Variants in RNF149 observed in about 807,000 individuals in gnomAD.
The protein encoded by RNF149 is E3 ubiquitin-protein ligase RNF149.
Under a neutral mutation model 39.0 loss-of-function variants are expected in RNF149, and 21 were observed. That is an observed-to-expected ratio of 0.54 (90% CI 0.38 to 0.77). The LOEUF is 0.77. Ranked by LOEUF, RNF149 falls within the 30% of genes least tolerant of loss-of-function variation. RNF149 has a pLI of 0.00. For synonymous variants in RNF149, 209 were observed against 213.6 expected, an observed-to-expected ratio of 0.98 and a Z score of 0.19; for missense variants, 493 against 534.9, an observed-to-expected ratio of 0.92 and a Z score of 0.77.
chr2:101,288,997 TC>T lies in RNF149; in HGVS notation c.838del (p.Asp280IlefsTer38), dbSNP rs1480598067. ...CTTGCATGGCAGAATTCTAATAATA[TC>T]CTTTACTTTGAAATTTTCAATACAC... ...AVCIENFKVK[D>X]IIRILPCKHI... On this transcript the variant is annotated frameshift_variant, in exon 4 of 7. Coordinates refer to ENST00000295317, the MANE Select transcript of RNF149 (RefSeq NM_173647.4). LOFTEE classifies it high-confidence loss of function. 6.3e-7 allele frequency: 1 copy of T among 1,575,210 alleles called. No homozygotes were observed. Among genetic ancestry groups the T allele is most frequent in the Non-Finnish European group, 8.7e-7 (1 of 1,146,542 alleles).
At chr2:101,292,961 T>C (rs959619632) in intron 3 of RNF149, among the ~76,000 whole-genome samples, 1 of 148,976 alleles carries the variant, frequency 6.7e-6, no homozygotes, top group Non-Finnish European at 1.5e-5. Flanking sequence ...TCTTAAGCCA[T>C]GAGATGTGAT....
intron 3 of RNF149, among the ~76,000 whole-genome samples, chr2:101,292,040 C>T (rs577368304): frequency 1.3e-5 from 2 of 152,304 alleles, no homozygotes; most frequent in South Asian, 2.1e-4. Context: ...TTACATTAGC[C>T]TACACTTGGG....
chr2:101,273,039 C>G, downstream of RNF149: 1 of 1,354,296 alleles, frequency 7.4e-7, no homozygotes, highest in Non-Finnish European at 9.8e-7. Flanking sequence ...TTCTTGTCAT[C>G]ATTCCTCAGT....
At position 101,308,674 on chromosome 2, in the gene RNF149, C is replaced by A. The variant is rs1257311093; in HGVS notation, c.-86G>T. ...AGAGCAGAGAGAAGCGGACACCCAC[C>A]GCCGCCCTGGAAGACTGAGGCGGGG... On this transcript the variant is annotated 5_prime_UTR_variant, in exon 1 of 7. Coordinates refer to ENST00000295317, the MANE Select transcript of RNF149 (RefSeq NM_173647.4). 9 of 1,254,076 alleles carry A rather than the reference C, an allele frequency of 7.2e-6. No individual in the cohort carries two copies. The highest frequency in any genetic ancestry group is 6.5e-5 in the Admixed American group (2 of 30,564). The allele number at this position is 1,254,076 out of a possible 1,614,324, so 77.7% of individuals were successfully genotyped here. A position where few individuals can be genotyped will look rare whatever the true frequency, so the allele number is the denominator to read the frequency against.
In RNF149 at chr2:101,294,102, A is replaced by T; in HGVS notation, c.712-20T>A. 3.7e-6 allele frequency: 5 copies of T among 1,336,234 alleles called. No individual in the cohort carries two copies. Among genetic ancestry groups the T allele is most frequent in the Non-Finnish European group, 5.3e-6 (5 of 937,912 alleles). 82.8% of individuals were successfully genotyped at this position (1,336,234 alleles called of 1,614,324 possible). On this transcript the variant is annotated intron_variant, in intron 2 of 6. Coordinates refer to ENST00000295317, the MANE Select transcript of RNF149 (RefSeq NM_173647.4). Reference sequence around the variant, plus strand: ...ATGGCTCTTGGGTAGGAAAATATTAATACAGTTATTGAAAAATTTAAATTA... The same window carrying T: ...ATGGCTCTTGGGTAGGAAAATATTATTACAGTTATTGAAAAATTTAAATTA...
chr2:101,283,208 G>A (rs961578672), intron 5 of RNF149, among the ~76,000 whole-genome samples: 9 of 152,110 alleles, frequency 5.9e-5, no homozygotes, highest in Non-Finnish European at 1.3e-4. Flanking sequence ...GTGCTCCTAC[G>A]GGCAGCACTT....
intron 1 of RNF149, among the ~76,000 whole-genome samples, chr2:101,301,252 T>C (rs1683441584): frequency 6.6e-6 from 1 of 152,164 alleles, no homozygotes; most frequent in African/African-American, 2.4e-5. Flanking sequence ...TTTTTTTGTT[T>C]TACACTTAGC....
At position 101,276,634 on chromosome 2, in the gene RNF149, T is replaced by G. The variant is rs1361402659; in HGVS notation, c.*604A>C. 1 of 985,666 alleles carries G rather than the reference T, an allele frequency of 1.0e-6. No individual in the cohort carries two copies. Among genetic ancestry groups the G allele is most frequent in the Non-Finnish European group, 1.2e-6 (1 of 829,900 alleles). 61.1% of individuals were successfully genotyped at this position (985,666 alleles called of 1,614,324 possible). ...AGAAATGAGGCAATAAAGGGAAAAA[T>G]GCAAATCCTAAAGTCATCTAGTGCC... On this transcript the variant is annotated 3_prime_UTR_variant, in exon 7 of 7. Transcript: ENST00000295317.
downstream of RNF149, chr2:101,273,064 G>A (rs766402430): frequency 2.9e-6 from 4 of 1,357,904 alleles, no homozygotes; most frequent in Admixed American, 7.6e-5. Flanking sequence ...GGAGGGAGCA[G>A]TCTTCTGGGA....
At chr2:101,295,957 A>T (rs1179274499) in intron 1 of RNF149, among the ~76,000 whole-genome samples, 2 of 152,130 alleles carry the variant, frequency 1.3e-5, no homozygotes, top group Admixed American at 6.6e-5. Context: ...GTTGGAGACC[A>T]GCCTGTGTAA....
downstream of RNF149, chr2:101,273,163 C>T (rs1183856063): frequency 1.5e-6 from 2 of 1,302,450 alleles, no homozygotes; most frequent in Non-Finnish European, 2.0e-6. Context: ...CTCTCTGGCC[C>T]TTTAGTTTTC....
chr2:101,293,879 C>T, intron 3 of RNF149, 135 bp downstream of exon 3: 2 of 566,298 alleles, frequency 3.5e-6, no homozygotes. Context: ...CGACTAGTGG[C>T]TACCATATTA....
At chr2:101,302,030 CT>C (rs1364969491) in intron 1 of RNF149, among the ~76,000 whole-genome samples, 4 of 152,224 alleles carry the variant, frequency 2.6e-5, no homozygotes, top group Non-Finnish European at 5.9e-5. Context: ...CAACACTCTA[CT>C]TTTTTTCCCT....
chr2:101,296,599 C>T (rs1683243569), intron 1 of RNF149, among the ~76,000 whole-genome samples: 1 of 152,246 alleles, frequency 6.6e-6, no homozygotes, highest in South Asian at 2.1e-4. Context: ...ATTCCAAATG[C>T]ATGAGGCAAA....
At chr2:101,299,334 A>G (rs1326639974) in intron 1 of RNF149, among the ~76,000 whole-genome samples, 1 of 152,192 alleles carries the variant, frequency 6.6e-6, no homozygotes, top group African/African-American at 2.4e-5. Context: ...CTTCTAAGGT[A>G]GCCCCTGTGT....
rs1435615218 is a variant in RNF149 at position 101,308,634 on chromosome 2, G to C, written c.-46C>G. On this transcript the variant is annotated 5_prime_UTR_variant, in exon 1 of 7. Coordinates refer to ENST00000295317, the MANE Select transcript of RNF149 (RefSeq NM_173647.4). The stretch of plus-strand genomic sequence containing the variant: ...TAGGGGGAGTCAGGGTCACGCGCGA[G>C]TGCGGTGCAGTCGAAGAGCAGAGAG... 7.0e-7 allele frequency: 1 copy of C among 1,438,720 alleles called. No homozygotes were observed. The highest frequency in any genetic ancestry group is 9.1e-7 in the Non-Finnish European group (1 of 1,096,618). 89.1% of individuals were successfully genotyped at this position (1,438,720 alleles called of 1,614,324 possible).
chr2:101,291,846 T>C (rs1394636627), intron 3 of RNF149, among the ~76,000 whole-genome samples: 1 of 152,224 alleles, frequency 6.6e-6, no homozygotes, highest in Non-Finnish European at 1.5e-5. Flanking sequence ...CATTTTTTTG[T>C]ACAGTTTAAA....
At chr2:101,280,790 C>T (rs1682553417) in intron 6 of RNF149, among the ~76,000 whole-genome samples, 2 of 151,882 alleles carry the variant, frequency 1.3e-5, no homozygotes, top group African/African-American at 4.8e-5. Flanking sequence ...TAAAGATGAC[C>T]AACAATGTGA....
chr2:101,298,516 G>T (rs149867751), intron 1 of RNF149, among the ~76,000 whole-genome samples: 1 of 151,926 alleles, frequency 6.6e-6, no homozygotes, highest in Non-Finnish European at 1.5e-5. Context: ...AACGTCCATC[G>T]AAAGGAAAAA....
Sources: gnomAD v4.1 joint callset for allele counts (sites outside exome capture counted in the v4.1 genomes callset) on GRCh38, gnomAD v4.1.1 for gene constraint, MANE v1.5 for transcripts, NCBI Gene and HGNC (gene_info 2026-07-23, HGNC 2026-07-21) for gene names.